Variants in ARHGAP21 observed in about 807,000 individuals in gnomAD.
ARHGAP21 encodes rho GTPase-activating protein 21.
Under a neutral mutation model 164.6 loss-of-function variants are expected in ARHGAP21, and 38 were observed. That is an observed-to-expected ratio of 0.23 (90% CI 0.18 to 0.30). ARHGAP21 has a LOEUF of 0.30. ARHGAP21 is among the 10% of genes least tolerant of loss of function. ARHGAP21 has a pLI of 1.00. For missense variants in ARHGAP21, 1,822 were observed against 2,370.7 expected (o/e 0.77, Z 4.81); for synonymous variants, 766 against 857.9 (o/e 0.89, Z 1.87).
chr10:24,675,976 C>T (rs1841182397), intron 2 of ARHGAP21, among the ~76,000 whole-genome samples: 1 of 151,992 alleles, frequency 6.6e-6, no homozygotes, highest in African/African-American at 2.4e-5. Flanking sequence ...GGTGAAACCC[C>T]ATCTCTATTA....
intron 3 of ARHGAP21, among the ~76,000 whole-genome samples, chr10:24,668,660 T>G (rs1196957128): frequency 2.0e-5 from 3 of 152,108 alleles, no homozygotes; most frequent in East Asian, 1.9e-4. Context: ...TTTTTTTTTT[T>G]GACCAGAAAT....
chr10:24,689,503 G>T (rs1348820534), intron 2 of ARHGAP21, among the ~76,000 whole-genome samples: 1 of 152,096 alleles, frequency 6.6e-6, no homozygotes, highest in Non-Finnish European at 1.5e-5. Context: ...ACTTTGGGAG[G>T]CCAAGGTGGG....
chr10:24,673,284 T>C (rs1593245639), intron 2 of ARHGAP21, among the ~76,000 whole-genome samples: 1 of 152,276 alleles, frequency 6.6e-6, no homozygotes, highest in East Asian at 1.9e-4. Context: ...CTTCAAGACT[T>C]ACAAAGCTAC....
intron 2 of ARHGAP21, among the ~76,000 whole-genome samples, chr10:24,702,730 G>A (rs1289912653): frequency 1.3e-5 from 2 of 152,032 alleles, no homozygotes; most frequent in African/African-American, 2.4e-5. Flanking sequence ...GGGACTACAG[G>A]TGTGCACTAC....
intron 2 of ARHGAP21, among the ~76,000 whole-genome samples, chr10:24,696,779 G>A (rs1226249906): frequency 2.0e-5 from 3 of 152,146 alleles, no homozygotes; most frequent in Non-Finnish European, 4.4e-5. Flanking sequence ...TGCTAAACAC[G>A]TCTATGTGCT....
rs570457905 is a variant in ARHGAP21 at position 24,695,050 on chromosome 10, C to CAAAAAAAAAAAAAAA, written c.64-24668_64-24654dup. Among the ~76,000 whole-genome samples the CAAAAAAAAAAAAAAA allele has an allele frequency of 3.9e-4, 31 of 78,504 alleles. 4 individuals are homozygous for CAAAAAAAAAAAAAAA. The highest frequency in any genetic ancestry group is 9.9e-4 in the East Asian group (2 of 2,012). 51.5% of individuals were successfully genotyped at this position (78,504 alleles called of 152,430 possible). On this transcript the variant is annotated intron_variant, in intron 2 of 25. Transcript: ENST00000396432. ...TGGGTAACAGAGCAAAATTCCATCT[C>CAAAAAAAAAAAAAAA]AAAAAAAAAAAAAAAAAAAAAAAAA...
At chr10:24,649,420 C>T (rs1021761793) in intron 4 of ARHGAP21, among the ~76,000 whole-genome samples, 1 of 152,138 alleles carries the variant, frequency 6.6e-6, no homozygotes, top group African/African-American at 2.4e-5. Flanking sequence ...AGGAGACTCT[C>T]CCGCACTTAA....
intron 2 of ARHGAP21, among the ~76,000 whole-genome samples, chr10:24,682,940 CA>C (rs1841908223): frequency 6.6e-6 from 1 of 151,632 alleles, no homozygotes; most frequent in Middle Eastern, 3.2e-3. Flanking sequence ...ACTAAAAATA[CA>C]AAAAATTAGC....
intron 4 of ARHGAP21, among the ~76,000 whole-genome samples, chr10:24,648,669 A>C (rs1267327606): frequency 6.6e-6 from 1 of 151,778 alleles, no homozygotes; most frequent in Admixed American, 6.6e-5. Flanking sequence ...AAACCCAGCT[A>C]CTCGGGAGGC....
chr10:24,586,480 G>A (rs565438812), intron 25 of ARHGAP21, among the ~76,000 whole-genome samples: 61 of 152,220 alleles, frequency 4.0e-4, no homozygotes, highest in Admixed American at 3.9e-3. Flanking sequence ...GCATGGGATA[G>A]GTAAAACAAT....
intron 2 of ARHGAP21, among the ~76,000 whole-genome samples, chr10:24,674,137 G>T (rs1840984271): frequency 6.6e-6 from 1 of 152,186 alleles, no homozygotes; most frequent in Non-Finnish European, 1.5e-5. Context: ...GCTCACACCT[G>T]TAATCCCAGC....
intron 2 of ARHGAP21, among the ~76,000 whole-genome samples, chr10:24,708,481 CATAG>C (rs1844454334): frequency 6.6e-6 from 1 of 152,138 alleles, no homozygotes; most frequent in Non-Finnish European, 1.5e-5. Flanking sequence ...TTGTTATCTG[CATAG>C]ATAGTGTAGT....
chr10:24,653,809 A>G (rs1436368490), intron 4 of ARHGAP21, among the ~76,000 whole-genome samples: 3 of 152,206 alleles, frequency 2.0e-5, no homozygotes, highest in African/African-American at 7.2e-5. Flanking sequence ...CCACTCATCA[A>G]AATGTTTTTA....
chr10:24,591,554 C>A lies in ARHGAP21; in HGVS notation c.4044+88G>T, dbSNP rs372889296. The A allele has an allele frequency of 1.4e-5, 22 of 1,518,010 alleles. No individual in the cohort carries two copies. In the African/African-American group the frequency reaches 2.3e-4, roughly 16 times the overall value. The allele number at this position is 1,518,010 out of a possible 1,614,324, so 94.0% of individuals were successfully genotyped here. Reference sequence around the variant, plus strand: ...TTCCGGGGCGCAAAGCGGACAATAGCAAAGCAGGAAGTTGACATTGTTGGC... The same window carrying A: ...TTCCGGGGCGCAAAGCGGACAATAGAAAAGCAGGAAGTTGACATTGTTGGC... On this transcript the variant is annotated intron_variant, in intron 23 of 25. Transcript: ENST00000396432.
chr10:24,673,600 G>T (rs1024875803), intron 2 of ARHGAP21, among the ~76,000 whole-genome samples: 9 of 152,106 alleles, frequency 5.9e-5, no homozygotes, highest in Non-Finnish European at 1.3e-4. Context: ...GGTGGCTCAC[G>T]CCTGTAATCC....
chr10:24,627,594 G>A (rs901322250), intron 7 of ARHGAP21, among the ~76,000 whole-genome samples: 5 of 152,096 alleles, frequency 3.3e-5, no homozygotes, highest in African/African-American at 1.2e-4. Context: ...CTTTACTGCT[G>A]AGCCTTGAAG....
At chr10:24,681,577 T>G (rs1841757193) in intron 2 of ARHGAP21, among the ~76,000 whole-genome samples, 1 of 152,184 alleles carries the variant, frequency 6.6e-6, no homozygotes, top group Non-Finnish European at 1.5e-5. Flanking sequence ...TAACTGGTAT[T>G]GATTCCATCA....
chr10:24,591,286 T>C lies in ARHGAP21; in HGVS notation c.4089A>G (p.Pro1363=). The C allele has an allele frequency of 6.2e-7, 1 of 1,613,138 alleles. No individual in the cohort carries two copies. Among genetic ancestry groups the C allele is most frequent in the South Asian group, 1.1e-5 (1 of 91,018 alleles). The change falls in exon 24 of 26, where the codon CCA becomes CCG. Residue 1363 remains proline, a synonymous_variant. Coordinates refer to ENST00000396432, the MANE Select transcript of ARHGAP21 (RefSeq NM_020824.4). ...TGTTGGTGAGTAAATGATCTATGTT[T>C]GGCACTGGCTGGGAGTCTACTGTGC... ...EESTVDSQPV[P]NIDHLLTNIG...
At position 24,670,186 on chromosome 10, in the gene ARHGAP21, T is replaced by C. The variant is rs779065329; in HGVS notation, c.243+32A>G. The C allele has an allele frequency of 4.7e-6, 7 of 1,498,154 alleles. No homozygotes were observed. In the Admixed American group the frequency reaches 9.7e-5, roughly 21 times the overall value. 92.8% of individuals were successfully genotyped at this position (1,498,154 alleles called of 1,614,324 possible). A position where few individuals can be genotyped will look rare whatever the true frequency, so the allele number is the denominator to read the frequency against. On this transcript the variant is annotated intron_variant, in intron 3 of 25. Coordinates refer to ENST00000396432, the MANE Select transcript of ARHGAP21 (RefSeq NM_020824.4). Reference sequence around the variant, plus strand: ...GGGGATAGGAATGGCCTTGTGGTTTTTTTTTCAAGTTGCGGTAACTATTTC... The same window carrying C: ...GGGGATAGGAATGGCCTTGTGGTTTCTTTTTCAAGTTGCGGTAACTATTTC...
Sources: gnomAD v4.1 joint callset for allele counts (sites outside exome capture counted in the v4.1 genomes callset) on GRCh38, gnomAD v4.1.1 for gene constraint, MANE v1.5 for transcripts, NCBI Gene and HGNC (gene_info 2026-07-23, HGNC 2026-07-21) for gene names.